The following EPS15 variants were observed in gnomAD, a reference collection of about 807,000 sequenced individuals.
EPS15 encodes epidermal growth factor receptor substrate 15.
Under a neutral mutation model 113.8 loss-of-function variants are expected in EPS15, and 72 were observed. The ratio of observed to expected loss-of-function variants is 0.63; its 90% confidence interval spans 0.52 to 0.77. The LOEUF is 0.77. Among genes scored for constraint, EPS15 ranks in the 30% least tolerant of loss-of-function variants. EPS15 has a pLI of 0.00. For missense variants in EPS15, 1,048 were observed against 1,045.8 expected (o/e 1.00, Z -0.03); for synonymous variants, 344 against 363.4 (o/e 0.95, Z 0.61).
intron 21 of EPS15, among the ~76,000 whole-genome samples, chr1:51,384,471 T>C (rs11584585): frequency 0.042 from 6,338 of 151,998 alleles, 185 homozygotes; most frequent in Middle Eastern, 0.066. Flanking sequence ...TGGCTAATTT[T>C]TGCATTTTTT....
At chr1:51,393,491 C>T (rs566150985) in intron 21 of EPS15, among the ~76,000 whole-genome samples, 25 of 152,310 alleles carry the variant, frequency 1.6e-4, no homozygotes, top group African/African-American at 5.3e-4. Context: ...CGTGAGCCAC[C>T]GGGCCCAGGC....
chr1:51,458,802 T>A (rs1163242210), intron 8 of EPS15: 4 of 205,052 alleles, frequency 2.0e-5, no homozygotes, highest in Non-Finnish European at 4.1e-5. Context: ...TGCAAAGATT[T>A]TGCACCAATA....
At chr1:51,494,193 C>T (rs1053903148) in intron 1 of EPS15, among the ~76,000 whole-genome samples, 5 of 152,182 alleles carry the variant, frequency 3.3e-5, no homozygotes, top group Non-Finnish European at 7.4e-5. Flanking sequence ...CTCCTTGTCC[C>T]ATAGTAAAAT....
intron 6 of EPS15, among the ~76,000 whole-genome samples, chr1:51,465,004 C>G (rs1428013291): frequency 6.6e-6 from 1 of 152,174 alleles, no homozygotes; most frequent in Non-Finnish European, 1.5e-5. Context: ...ATCTTTTAAT[C>G]AAATATTTTA....
intron 15 of EPS15, 133 bp from the exon 16 acceptor site, chr1:51,406,241 T>A: frequency 1.4e-6 from 1 of 719,592 alleles, no homozygotes; most frequent in Non-Finnish European, 2.3e-6. Flanking sequence ...TTTGGGAAAC[T>A]GAGGCAGGAG....
intron 8 of EPS15, among the ~76,000 whole-genome samples, chr1:51,453,994 G>A (rs148452522): frequency 1.1e-3 from 156 of 144,000 alleles, no homozygotes; most frequent in African/African-American, 3.8e-3. Flanking sequence ...AGGCTGCAGT[G>A]AGTCAAGATC....
Position 51,458,737 on chromosome 1 carries a change from A to AAT in EPS15, c.561+2353_561+2354insAT, listed in dbSNP as rs529684956. The AAT allele has an allele frequency of 2.8e-4, 56 of 201,456 alleles. 1 individual carries two copies. In the South Asian group the frequency reaches 2.9e-3, roughly 10 times the overall value. 12.5% of individuals were successfully genotyped at this position (201,456 alleles called of 1,614,324 possible). On this transcript the variant is annotated intron_variant, in intron 8 of 24. Transcript: ENST00000371733. ...GAGTGACAGAGTGAGACTCCGTCTA[A>AAT]AAAAAAAAAAAATTTGTCTTTATGA... is the stretch of plus-strand genomic sequence containing the variant.
In EPS15 at chr1:51,436,704, T is replaced by C. The variant is rs1466729431; in HGVS notation, c.1040+3643A>G. Among the ~76,000 whole-genome samples, 5 of 151,908 alleles carry C rather than the reference T, an allele frequency of 3.3e-5. No individual in the cohort carries two copies. The South Asian group carries it at 1.0e-3, about 32-fold the overall frequency. On this transcript the variant is annotated intron_variant, in intron 12 of 24. Transcript: ENST00000371733. Reference sequence around the variant, plus strand: ...AAGATGAGATTTGAAGAGTGAGAAGTTGATTAGACAAAAGAGATGGGAAGG... The same window carrying C: ...AAGATGAGATTTGAAGAGTGAGAAGCTGATTAGACAAAAGAGATGGGAAGG...
rs528575372 is a variant in EPS15, at chr1:51,384,423, C to A, written c.2119+9958G>T. Among the ~76,000 whole-genome samples, 8 of 150,340 alleles carry A rather than the reference C, an allele frequency of 5.3e-5. No individual in the cohort carries two copies. In the South Asian group the frequency reaches 1.5e-3, roughly 28 times the overall value. ...TCAAGTGATCCTCCCACCTCAGCTT[C>A]CCAAGTAGCTGGGAGTACAGGTGCA... On this transcript the variant is annotated intron_variant, in intron 21 of 24. Transcript: ENST00000371733.
chr1:51,512,169 T>C (rs895084966), intron 1 of EPS15, among the ~76,000 whole-genome samples: 2 of 152,088 alleles, frequency 1.3e-5, no homozygotes, highest in African/African-American at 4.8e-5. Context: ...TTTTAACAAA[T>C]TGGGAAACTA....
At chr1:51,451,501 AAAAAAAAG>A (rs1391061083) in intron 8 of EPS15, among the ~76,000 whole-genome samples, 2 of 144,746 alleles carry the variant, frequency 1.4e-5, no homozygotes, top group Admixed American at 1.3e-4. Flanking sequence ...AAAAAAAAAA[AAAAAAAAG>A]AAAGAAAGAA....
rs1652503757 is a variant in EPS15, at chr1:51,440,417, T to A, written c.970A>T (p.Ser324Cys). Residue 324 changes from serine (S) to cysteine (C), a missense_variant, in exon 12 of 25, where the codon AGT becomes TGT. Physicochemically the swap from Ser to Cys is moderately radical, Grantham distance 112 (BLOSUM62 -1). Coordinates refer to ENST00000371733, the MANE Select transcript of EPS15 (RefSeq NM_001981.3). ...ASLQKNIIGS[S>C]PVADFSAIKE... ...ATAGCAGAGAAATCTGCAACAGGAC[T>A]TGATCCTATGATGTTCTAAAAACAA... 1 of 1,579,206 alleles carries A rather than the reference T, an allele frequency of 6.3e-7. No homozygotes were observed. Among genetic ancestry groups the A allele is most frequent in the Non-Finnish European group, 8.7e-7 (1 of 1,155,348 alleles).
chr1:51,492,666 TAGTG>T (rs1418576428), intron 1 of EPS15, among the ~76,000 whole-genome samples: 1 of 152,024 alleles, frequency 6.6e-6, no homozygotes, highest in African/African-American at 2.4e-5. Context: ...TCAGAAGACT[TAGTG>T]AGCCCTATAT....
chr1:51,421,728 A>C (rs1650777057), intron 13 of EPS15, 58 bp downstream of exon 13: 2 of 1,056,572 alleles, frequency 1.9e-6, no homozygotes, highest in Non-Finnish European at 1.3e-6. Flanking sequence ...TAACCATATA[A>C]ATTTAAAATG....
At chr1:51,392,276 A>G (rs913799430) in intron 21 of EPS15, among the ~76,000 whole-genome samples, 6 of 152,216 alleles carry the variant, frequency 3.9e-5, no homozygotes, top group Non-Finnish European at 5.9e-5. Context: ...TATAATAAAC[A>G]TAATACAAAT....
intron 1 of EPS15, among the ~76,000 whole-genome samples, chr1:51,518,785 G>T (rs551675710): frequency 7.5e-4 from 114 of 151,702 alleles, no homozygotes; most frequent in African/African-American, 2.6e-3. Flanking sequence ...CGGCCCGGGG[G>T]TGCGGCCGGC....
chr1:51,427,774 TAG>T (rs1402133164), intron 12 of EPS15, among the ~76,000 whole-genome samples: 1 of 152,170 alleles, frequency 6.6e-6, no homozygotes, highest in Non-Finnish European at 1.5e-5. Flanking sequence ...GTATTTCTAC[TAG>T]AGAGAGCTTA....
intron 18 of EPS15, among the ~76,000 whole-genome samples, chr1:51,401,831 A>G (rs1353951084): frequency 6.6e-6 from 1 of 152,120 alleles, no homozygotes; most frequent in Non-Finnish European, 1.5e-5. Context: ...GGTGAAACCC[A>G]GTCTCTACTA....
At position 51,482,406 on chromosome 1, in the gene EPS15, G is replaced by A. The variant is rs549714254; in HGVS notation, c.34-1092C>T. On this transcript the variant is annotated intron_variant, in intron 1 of 24. Transcript: ENST00000371733. Reference sequence around the variant, plus strand: ...AAAAGAACAGCAAGAAGTTCTGAACGATAAGAGGGATAGGGAGATAAGATT... The same window carrying A: ...AAAAGAACAGCAAGAAGTTCTGAACAATAAGAGGGATAGGGAGATAAGATT... Among the ~76,000 whole-genome samples, 11 of 152,236 alleles carry A rather than the reference G, an allele frequency of 7.2e-5. No homozygotes were observed. The East Asian group carries it at 7.7e-4, about 11-fold the overall frequency.
Sources: allele counts gnomAD v4.1 joint callset (sites outside exome capture counted in the v4.1 genomes callset), GRCh38; gene constraint gnomAD v4.1.1; transcripts MANE v1.5; gene names NCBI Gene and HGNC (gene_info 2026-07-23, HGNC 2026-07-21).